PLEKHA5: variants seen among roughly 807,000 people sequenced by gnomAD.
The protein encoded by PLEKHA5 is pleckstrin homology domain containing A5.
A neutral mutation model predicts 181.9 loss-of-function variants in PLEKHA5; 55 were observed. The ratio of observed to expected loss-of-function variants is 0.30; its 90% CI spans 0.24 to 0.38. PLEKHA5 has a LOEUF of 0.38. PLEKHA5 is among the 10% of genes least tolerant of loss of function. PLEKHA5 has a pLI of 1.00. For missense variants in PLEKHA5, 1,432 were observed against 1,549.5 expected, an observed-to-expected ratio of 0.92 and a Z score of 1.27; for synonymous variants, 535 against 529.4, an observed-to-expected ratio of 1.01 and a Z score of -0.15.
At chr12:19,205,233 G>C (rs758811666) in intron 3 of PLEKHA5, 1 of 203,310 alleles carries the variant, frequency 4.9e-6, no homozygotes, top group South Asian at 1.7e-4. Context: ...GAAATACCAA[G>C]TCATTTAAAT....
intron 18 of PLEKHA5, 164 bp downstream of exon 18, chr12:19,320,788 C>G (rs570090708): frequency 2.4e-6 from 1 of 422,118 alleles, no homozygotes; most frequent in Non-Finnish European, 4.3e-6. Flanking sequence ...TCCCTGCCCT[C>G]TACGTCCCAC....
chr12:19,210,278 T>G (rs2152163512), intron 3 of PLEKHA5, among the ~76,000 whole-genome samples: 1 of 152,332 alleles, frequency 6.6e-6, no homozygotes, highest in South Asian at 2.1e-4. Flanking sequence ...TAGTAAAATG[T>G]TACAAATATT....
At position 19,252,114 on chromosome 12, in the gene PLEKHA5, A is replaced by T. The variant is rs768500388; in HGVS notation, c.228-1826A>T. On this transcript the variant is annotated intron_variant, in intron 3 of 31. Coordinates refer to ENST00000429027, the MANE Select transcript of PLEKHA5 (RefSeq NM_001256470.2). ...ACAATAGTCAATATGGAATTTTTTT[A>T]AAACTATCTATATCTTTATATTAAT... is the stretch of plus-strand genomic sequence containing the variant. 2.3e-4 allele frequency among the ~76,000 whole-genome samples: 35 copies of T among 150,360 alleles called. No individual in the cohort carries two copies. In the East Asian group the frequency reaches 3.3e-3, roughly 14 times the overall value.
rs1455842807 is a variant in PLEKHA5 at position 19,322,322 on chromosome 12, C to A, written c.2230C>A (p.Arg744=). The change falls in exon 19 of 32, where the codon CGA becomes AGA. Residue 744 remains arginine, a synonymous_variant. Transcript: ENST00000429027. ...TCTTATAACCTAGGCCAAGTTAAGC[C>A]GATTATGTGAACAAGATAAAGTGGT... ...EEVDIDAKLS[R]LCEQDKVVHA... 3.1e-6 allele frequency: 5 copies of A among 1,612,328 alleles called. No individual in the cohort carries two copies. The Admixed American group carries it at 5.0e-5, about 16-fold the overall frequency.
chr12:19,214,194 G>A (rs1000529596), intron 3 of PLEKHA5, among the ~76,000 whole-genome samples: 1 of 152,096 alleles, frequency 6.6e-6, no homozygotes, highest in African/African-American at 2.4e-5. Flanking sequence ...TAGCAGAAGT[G>A]ATTAGCATAA....
chr12:19,368,780 G>A (rs68189107), intron 30 of PLEKHA5, among the ~76,000 whole-genome samples: 14,864 of 152,086 alleles, frequency 0.098, 767 homozygotes, highest in Middle Eastern at 0.12. Flanking sequence ...AACAAAGAGC[G>A]AAATTCTGTC....
At chr12:19,319,061 A>G (rs2089957150) in intron 16 of PLEKHA5, among the ~76,000 whole-genome samples, 1 of 152,146 alleles carries the variant, frequency 6.6e-6, no homozygotes, top group East Asian at 1.9e-4. Context: ...TTTAAAACTT[A>G]CTTCATATTA....
At chr12:19,355,634 C>CATTT (rs1306008523) in intron 26 of PLEKHA5, among the ~76,000 whole-genome samples, 1 of 151,774 alleles carries the variant, frequency 6.6e-6, no homozygotes, top group African/African-American at 2.4e-5. Flanking sequence ...AACTCAGCTG[C>CATTT]ATTTATACAT....
intron 20 of PLEKHA5, among the ~76,000 whole-genome samples, chr12:19,323,998 T>C (rs2091528027): frequency 6.6e-6 from 1 of 152,090 alleles, no homozygotes; most frequent in Admixed American, 6.6e-5. Flanking sequence ...TCTATAAACA[T>C]AGTAAGAGCA....
At chr12:19,238,047 G>A (rs936549130) in intron 3 of PLEKHA5, among the ~76,000 whole-genome samples, 1 of 151,858 alleles carries the variant, frequency 6.6e-6, no homozygotes, top group Non-Finnish European at 1.5e-5. Flanking sequence ...CAGCAGCATT[G>A]TGATTTCAAG....
At chr12:19,166,501 G>A (rs769333852) in intron 3 of PLEKHA5, among the ~76,000 whole-genome samples, 77 of 151,902 alleles carry the variant, frequency 5.1e-4, no homozygotes, top group Non-Finnish European at 9.9e-4. Context: ...TGATTATCAC[G>A]CCTGAGTGAT....
chr12:19,334,937 C>T lies in PLEKHA5; in HGVS notation c.2449-1578C>T, dbSNP rs558373716. Among the ~76,000 whole-genome samples, 26 of 111,562 alleles carry T rather than the reference C, an allele frequency of 2.3e-4. 3 individuals carry two copies. The highest frequency in any genetic ancestry group is 4.9e-4 in the East Asian group (2 of 4,108). 73.2% of individuals were successfully genotyped at this position (111,562 alleles called of 152,430 possible). ...GGGTGATGGCACACATCTGTTTTCCCAGTACATTTTGAATAATTTTTCTTC... is the reference window on the plus strand; with the variant it reads ...GGGTGATGGCACACATCTGTTTTCCTAGTACATTTTGAATAATTTTTCTTC... On this transcript the variant is annotated intron_variant, in intron 20 of 31. Transcript: ENST00000429027.
chr12:19,177,307 C>A (rs2047544169), intron 3 of PLEKHA5, among the ~76,000 whole-genome samples: 1 of 152,104 alleles, frequency 6.6e-6, no homozygotes, highest in Admixed American at 6.6e-5. Context: ...GTTAAAAATA[C>A]AGTACAAAAT....
intron 3 of PLEKHA5, among the ~76,000 whole-genome samples, chr12:19,191,320 A>G (rs181229328): frequency 4.7e-4 from 71 of 152,352 alleles, no homozygotes; most frequent in Non-Finnish European, 9.3e-4. Context: ...ACTGTGGGTC[A>G]TAGACCAGTA....
At chr12:19,354,091 A>T (rs1385008279) in intron 26 of PLEKHA5, 89 bp downstream of exon 26, 2 of 423,232 alleles carry the variant, frequency 4.7e-6, no homozygotes, top group Non-Finnish European at 8.8e-6. Flanking sequence ...TCTTATCAAA[A>T]TTATTTTTGC....
intron 3 of PLEKHA5, among the ~76,000 whole-genome samples, chr12:19,231,670 C>T (rs1458629951): frequency 7.3e-6 from 1 of 136,154 alleles, no homozygotes; most frequent in Non-Finnish European, 1.6e-5. Flanking sequence ...TCATATTCAT[C>T]AACGTGTTCT....
intron 3 of PLEKHA5, among the ~76,000 whole-genome samples, chr12:19,171,136 A>AG (rs1264658528): frequency 6.6e-6 from 1 of 152,188 alleles, no homozygotes; most frequent in East Asian, 1.9e-4. Flanking sequence ...TGACTTATAA[A>AG]GGGGCTCTAT....
At chr12:19,304,257 T>G (rs992593927) in intron 15 of PLEKHA5, among the ~76,000 whole-genome samples, 11 of 152,110 alleles carry the variant, frequency 7.2e-5, no homozygotes, top group African/African-American at 2.7e-4. Context: ...ACTCAAAAAT[T>G]AGCCGGGCGT....
chr12:19,331,689 A>C (rs1388183195), intron 20 of PLEKHA5, among the ~76,000 whole-genome samples: 1 of 152,016 alleles, frequency 6.6e-6, no homozygotes, highest in African/African-American at 2.4e-5. Flanking sequence ...GCACTATTAA[A>C]ATTTACTTGT....
Sources: allele counts gnomAD v4.1 joint callset (sites outside exome capture counted in the v4.1 genomes callset), GRCh38; gene constraint gnomAD v4.1.1; transcripts MANE v1.5; gene names NCBI Gene and HGNC (gene_info 2026-07-23, HGNC 2026-07-21).